RBFOX1: variants seen among roughly 807,000 people sequenced by gnomAD.
RBFOX1 encodes RNA binding protein fox-1 homolog 1.
In RBFOX1, 8 loss-of-function variants were observed where a neutral mutation model predicts 57.7. The observed-to-expected ratio is 0.14, with a 90% CI of 0.08 to 0.25. The LOEUF (loss-of-function observed/expected upper bound fraction) is 0.25, where lower values mean the gene tolerates loss of function less well. RBFOX1 is among the 10% of genes least tolerant of loss of function. RBFOX1 has a pLI of 1.00. For synonymous variants in RBFOX1, 326 were observed against 222.4 expected (o/e 1.47, Z -4.15); for missense variants, 611 against 548.5 (o/e 1.11, Z -1.14).
intron 4 of RBFOX1, among the ~76,000 whole-genome samples, chr16:7,474,150 G>C (rs1386986628): frequency 2.0e-5 from 3 of 152,158 alleles, no homozygotes; most frequent in Non-Finnish European, 4.4e-5. Flanking sequence ...AGCCAGGCAT[G>C]GTGGCGCATG....
At chr16:6,067,996 A>G (rs866661091) in intron 1 of RBFOX1, among the ~76,000 whole-genome samples, 8 of 152,288 alleles carry the variant, frequency 5.3e-5, no homozygotes, top group Middle Eastern at 3.4e-3. Flanking sequence ...CAGGGAAAAC[A>G]CAGTCTTTCT....
chr16:5,266,703 C>T (rs2062867978), intron 1 of RBFOX1, among the ~76,000 whole-genome samples: 1 of 151,822 alleles, frequency 6.6e-6, no homozygotes, highest in African/African-American at 2.4e-5. Context: ...CATGTGCCAC[C>T]ACTCTTGCCT....
chr16:7,508,996 C>G (rs2074243585), intron 4 of RBFOX1, among the ~76,000 whole-genome samples: 1 of 152,190 alleles, frequency 6.6e-6, no homozygotes, highest in Admixed American at 6.5e-5. Context: ...TGACATTTCA[C>G]TCTGGTTGTT....
intron 1 of RBFOX1, among the ~76,000 whole-genome samples, chr16:5,288,894 G>C (rs1034874601): frequency 2.0e-5 from 3 of 152,042 alleles, no homozygotes; most frequent in African/African-American, 4.8e-5. Context: ...TGGGAGGCCA[G>C]GGCAAGTGGG....
At chr16:5,459,843 C>T (rs1416297520) in intron 1 of RBFOX1, among the ~76,000 whole-genome samples, 1 of 152,086 alleles carries the variant, frequency 6.6e-6, no homozygotes. Context: ...GTGAGATTAA[C>T]AGCTCCAAAA....
intron 2 of RBFOX1, among the ~76,000 whole-genome samples, chr16:6,582,865 C>G (rs1287693761): frequency 1.4e-5 from 2 of 147,180 alleles, no homozygotes; most frequent in African/African-American, 4.9e-5. Flanking sequence ...AACAACTGAG[C>G]TACAGTTCCA....
chr16:6,056,621 C>T (rs966921618), intron 1 of RBFOX1, among the ~76,000 whole-genome samples: 2 of 152,080 alleles, frequency 1.3e-5, no homozygotes, highest in Non-Finnish European at 2.9e-5. Context: ...TAGCTGTTAC[C>T]AGGAGAGGAG....
At chr16:7,100,679 G>A (rs1004466839) in intron 4 of RBFOX1, among the ~76,000 whole-genome samples, 1 of 148,516 alleles carries the variant, frequency 6.7e-6, no homozygotes, top group Non-Finnish European at 1.5e-5. Context: ...TTAATGAAAT[G>A]AACAATAACA....
At chr16:6,471,322 C>T (rs995837074) in intron 2 of RBFOX1, among the ~76,000 whole-genome samples, 3 of 152,216 alleles carry the variant, frequency 2.0e-5, no homozygotes, top group African/African-American at 7.2e-5. Context: ...GAACAAGAGG[C>T]ATCCTCTACC....
At chr16:5,467,072 C>G in intron 1 of RBFOX1, 1 of 935,618 alleles carries the variant, frequency 1.1e-6, no homozygotes, top group East Asian at 2.7e-5. Context: ...ACATGTTAGG[C>G]ATTTAATGGA....
At chr16:5,466,192 C>T (rs940650999) in intron 1 of RBFOX1, among the ~76,000 whole-genome samples, 1 of 152,224 alleles carries the variant, frequency 6.6e-6, no homozygotes, top group Non-Finnish European at 1.5e-5. Context: ...AGAAGGTGTT[C>T]TTGGCTTGAA....
At chr16:5,372,222 T>A (rs1156941096) in intron 1 of RBFOX1, among the ~76,000 whole-genome samples, 1 of 152,126 alleles carries the variant, frequency 6.6e-6, no homozygotes, top group East Asian at 1.9e-4. Context: ...TGTTGTTCTG[T>A]CTCGGAAGGG....
intron 1 of RBFOX1, among the ~76,000 whole-genome samples, chr16:6,127,675 A>T (rs186770113): frequency 6.6e-6 from 1 of 152,306 alleles, no homozygotes; most frequent in East Asian, 1.9e-4. Context: ...GGCTTTGTTC[A>T]CATCATAGAT....
chr16:6,152,215 A>T (rs930641364), intron 1 of RBFOX1, among the ~76,000 whole-genome samples: 4 of 152,246 alleles, frequency 2.6e-5, no homozygotes, highest in Non-Finnish European at 1.5e-5. Context: ...ATGGAATAAC[A>T]TAATTAATAG....
intron 3 of RBFOX1, among the ~76,000 whole-genome samples, chr16:6,672,290 T>C (rs989176363): frequency 1.3e-5 from 2 of 151,606 alleles, no homozygotes. Context: ...AATATAAATA[T>C]ACATCCAATA....
intron 2 of RBFOX1, among the ~76,000 whole-genome samples, chr16:5,553,045 C>T (rs1336409858): frequency 6.6e-6 from 1 of 152,158 alleles, no homozygotes; most frequent in African/African-American, 2.4e-5. Context: ...GAAAACAAAA[C>T]ACCGCATGTT....
In RBFOX1 at chr16:6,490,199, A is replaced by G. The variant is rs73526524; in HGVS notation, c.-63-164404A>G. Among the ~76,000 whole-genome samples the G allele has an allele frequency of 5.4e-3, 817 of 152,296 alleles. 11 individuals are homozygous for G. Among genetic ancestry groups the G allele is most frequent in the African/African-American group, 0.019 (777 of 41,558 alleles). ...ATGAAAAGAAAAACAATTTAAGTAT[A>G]TTTTTAAATAGAAATGCCAATTTGA... is the stretch of plus-strand genomic sequence containing the variant. On this transcript the variant is annotated intron_variant, in intron 2 of 15. Transcript: ENST00000550418.
intron 4 of RBFOX1, among the ~76,000 whole-genome samples, chr16:7,274,375 C>T (rs778984100): frequency 6.6e-6 from 1 of 152,124 alleles, no homozygotes; most frequent in African/African-American, 2.4e-5. Flanking sequence ...CTCAGAGATA[C>T]ACAATAAAGA....
At chr16:6,526,250 G>A (rs1236228099) in intron 2 of RBFOX1, among the ~76,000 whole-genome samples, 1 of 152,222 alleles carries the variant, frequency 6.6e-6, no homozygotes, top group African/African-American at 2.4e-5. Flanking sequence ...CCACCATTGA[G>A]TAATAGAGTA....
Sources: gnomAD v4.1 joint callset for allele counts (sites outside exome capture counted in the v4.1 genomes callset) on GRCh38, gnomAD v4.1.1 for gene constraint, MANE v1.5 for transcripts, NCBI Gene and HGNC (gene_info 2026-07-23, HGNC 2026-07-21) for gene names.